GLRA1: variants seen among roughly 807,000 people sequenced by gnomAD.
GLRA1 encodes the protein glycine receptor alpha 1.
In GLRA1, 37 loss-of-function variants were observed where a neutral mutation model predicts 48.3. That is an observed-to-expected ratio of 0.77 (90% CI 0.59 to 1.01). The LOEUF (loss-of-function observed/expected upper bound fraction) is 1.01. Among genes scored for constraint, GLRA1 ranks in the 50% least tolerant of loss-of-function variants. The pLI, the probability that GLRA1 is intolerant of heterozygous loss-of-function variation, is 0.00. For synonymous variants in GLRA1, 196 were observed against 210.7 expected, an observed-to-expected ratio of 0.93 and a Z score of 0.60; for missense variants, 427 against 571.0, an observed-to-expected ratio of 0.75 and a Z score of 2.57.
chr5:151,829,146 C>G, intron 7 of GLRA1, 79 bp from the exon 8 acceptor site: 1 of 1,431,932 alleles, frequency 7.0e-7, no homozygotes, highest in Non-Finnish European at 9.7e-7. Context: ...ATATTTTCTG[C>G]TCTTCGGTAA....
chr5:151,856,252 G>T, intron 5 of GLRA1, 49 bp downstream of exon 5: 1 of 1,290,664 alleles, frequency 7.7e-7, no homozygotes, highest in Non-Finnish European at 1.1e-6. Flanking sequence ...CTATCCCATG[G>T]GTAAAAAGGA....
chr5:151,892,623 G>A (rs79859490), intron 1 of GLRA1, among the ~76,000 whole-genome samples, 185 bp from the exon 2 acceptor site: 1 of 152,262 alleles, frequency 6.6e-6, no homozygotes, highest in Non-Finnish European at 1.5e-5. Context: ...AATATCAGCC[G>A]GCATGGGATC....
rs1165958512 is a variant in GLRA1 at position 151,859,983 on chromosome 5, C to T, written c.278G>A (p.Arg93Gln). The T allele has an allele frequency of 6.8e-6, 11 of 1,613,784 alleles. No homozygotes were observed. The highest frequency in any genetic ancestry group is 7.6e-6 in the Non-Finnish European group (9 of 1,179,824). ...CAGGCGGGGGTCGTTCCATTGCTGC[C>T]GCAGGAAGATGTTGACCCTATAGTC... ...TMDYRVNIFL[R>Q]QQWNDPRLAY... The change falls in exon 4 of 9, where the codon CGG becomes CAG. Residue 93 changes from arginine (R) to glutamine (Q), a missense_variant. This residue lies in a region of GLRA1 where 271 missense variants were observed against 434.9 expected (regional missense o/e 0.62). Transcript: ENST00000274576.
At chr5:151,902,478 T>C (rs976886451) in intron 1 of GLRA1, among the ~76,000 whole-genome samples, 1 of 152,144 alleles carries the variant, frequency 6.6e-6, no homozygotes, top group East Asian at 1.9e-4. Flanking sequence ...TTGAAAATAC[T>C]ATCTGCCTTT....
chr5:151,844,342 C>T (rs1752607736), intron 7 of GLRA1, among the ~76,000 whole-genome samples: 1 of 152,018 alleles, frequency 6.6e-6, no homozygotes, highest in Non-Finnish European at 1.5e-5. Context: ...GACACCAAGG[C>T]CAGGAGCAGT....
chr5:151,870,704 C>A (rs369562268), intron 3 of GLRA1, among the ~76,000 whole-genome samples: 1 of 149,642 alleles, frequency 6.7e-6, no homozygotes, highest in African/African-American at 2.6e-5. Flanking sequence ...TGTGGAAACA[C>A]CAACTTTCTT....
At chr5:151,909,336 C>T (rs1382333262) in intron 1 of GLRA1, among the ~76,000 whole-genome samples, 1 of 152,200 alleles carries the variant, frequency 6.6e-6, no homozygotes, top group African/African-American at 2.4e-5. Context: ...AAGGCACCAT[C>T]TTTTCTCCAA....
rs199779617 is a variant in GLRA1, at chr5:151,834,072, CAAA to C, written c.913-5008_913-5006del. ...TGAAAATAATATTAGATCAACGAGA[CAAA>C]AAATTAACGAGGATATTCAGGATGT... On this transcript the variant is annotated intron_variant, in intron 7 of 8. Transcript: ENST00000274576. 3.3e-5 allele frequency among the ~76,000 whole-genome samples: 5 copies of C among 152,060 alleles called. No homozygotes were observed. The East Asian group carries it at 7.7e-4, about 23-fold the overall frequency.
chr5:151,864,701 C>T (rs891147457), intron 3 of GLRA1, among the ~76,000 whole-genome samples: 17 of 152,192 alleles, frequency 1.1e-4, no homozygotes, highest in African/African-American at 4.1e-4. Context: ...CCTAGCAAGA[C>T]CGAATCACCT....
chr5:151,910,118 T>A (rs1011697960), intron 1 of GLRA1, among the ~76,000 whole-genome samples: 1 of 152,166 alleles, frequency 6.6e-6, no homozygotes, highest in African/African-American at 2.4e-5. Flanking sequence ...TTCTCCTAAA[T>A]ACACGAAATA....
chr5:151,858,142 C>A (rs1384021234), intron 4 of GLRA1, among the ~76,000 whole-genome samples: 3 of 152,166 alleles, frequency 2.0e-5, no homozygotes, highest in African/African-American at 7.2e-5. Flanking sequence ...TGATGAGGTA[C>A]ACAGCCCTTT....
chr5:151,901,925 G>A (rs1157092895), intron 1 of GLRA1, among the ~76,000 whole-genome samples: 1 of 152,188 alleles, frequency 6.6e-6, no homozygotes, highest in Non-Finnish European at 1.5e-5. Flanking sequence ...GTAGCCCCAT[G>A]AGACAACTGG....
At chr5:151,910,058 T>C (rs575968184) in intron 1 of GLRA1, among the ~76,000 whole-genome samples, 15 of 152,338 alleles carry the variant, frequency 9.8e-5, no homozygotes, top group African/African-American at 3.4e-4. Flanking sequence ...ACATTTTGCT[T>C]CCAGCACAAT....
chr5:151,884,427 T>TCAAAACAAAACAAAACAAAA (rs70976031), intron 3 of GLRA1, among the ~76,000 whole-genome samples: 63,674 of 148,612 alleles, frequency 0.43, 13,867 homozygotes, highest in Middle Eastern at 0.47. Flanking sequence ...AAACTCTGTC[T>TCAAAACAAAACAAAACAAAA]CAAAACAAAA....
chr5:151,906,539 T>C (rs1390318307), intron 1 of GLRA1, among the ~76,000 whole-genome samples: 1 of 152,208 alleles, frequency 6.6e-6, no homozygotes, highest in Non-Finnish European at 1.5e-5. Context: ...AATTAAAGAC[T>C]CTGTGGGTGT....
intron 8 of GLRA1, among the ~76,000 whole-genome samples, chr5:151,824,416 A>G (rs916933138): frequency 6.6e-6 from 1 of 152,244 alleles, no homozygotes; most frequent in Middle Eastern, 3.4e-3. Flanking sequence ...CTTCAGGTTA[A>G]TTAAAATCCT....
At chr5:151,916,250 A>G (rs1489577784) in intron 1 of GLRA1, among the ~76,000 whole-genome samples, 1 of 152,148 alleles carries the variant, frequency 6.6e-6, no homozygotes, top group East Asian at 1.9e-4. Context: ...ATTGTCCTAT[A>G]TCTAATTTTT....
Position 151,851,463 on chromosome 5 carries a change from C to T in GLRA1, c.839G>A (p.Arg280His), listed in dbSNP as rs281864918. ...CACAGTGGTGATGCCTAGGCCCACA[C>T]GAGCAGGTGCAGCATCCATGTTGAT... ...FWINMDAAPA[R>H]VGLGITTVLT... Residue 280 changes from arginine (R) to histidine (H), a missense_variant, in exon 7 of 9, where the codon CGT (arginine) becomes CAT (histidine). Around this residue, in one of 4 missense-constraint regions of GLRA1, gnomAD observed 271 missense variants for 434.9 expected, o/e 0.62. Transcript: ENST00000274576. 23 of 1,613,804 alleles carry T rather than the reference C, an allele frequency of 1.4e-5. No individual in the cohort carries two copies. The highest frequency in any genetic ancestry group is 3.3e-5 in the South Asian group (3 of 91,048).
At chr5:151,915,070 A>T (rs1754705128) in intron 1 of GLRA1, among the ~76,000 whole-genome samples, 1 of 152,212 alleles carries the variant, frequency 6.6e-6, no homozygotes, top group Non-Finnish European at 1.5e-5. Flanking sequence ...CAAGTTACAT[A>T]ACCTCTTTAT....
Sources: gnomAD v4.1 joint callset for allele counts (sites outside exome capture counted in the v4.1 genomes callset) on GRCh38, gnomAD v4.1.1 for gene constraint, gnomAD v4.1.1 regional missense constraint, MANE v1.5 for transcripts, NCBI Gene and HGNC (gene_info 2026-07-23, HGNC 2026-07-21) for gene names.